Variants in ATL2 observed in about 807,000 individuals in gnomAD.
ATL2 encodes the protein atlastin-2.
Under a neutral mutation model 73.9 loss-of-function variants are expected in ATL2, and 31 were observed. That is an observed-to-expected ratio of 0.42 (90% CI 0.32 to 0.57). The LOEUF (loss-of-function observed/expected upper bound fraction) is 0.57. Ranked by LOEUF, ATL2 falls within the 20% of genes least tolerant of loss-of-function variation. The probability of loss-of-function intolerance (pLI) is 0.14; values close to 1 mark genes in which losing one functional copy is unlikely to be tolerated. For synonymous variants in ATL2, 291 were observed against 237.5 expected, an observed-to-expected ratio of 1.23 and a Z score of -2.07; for missense variants, 738 against 702.6, an observed-to-expected ratio of 1.05 and a Z score of -0.57.
chr2:38,377,353 C>G (rs1672050754), upstream of ATL2: 8 of 1,110,348 alleles, frequency 7.2e-6, no homozygotes, highest in Non-Finnish European at 6.3e-6. Flanking sequence ...CCGGCGGGTC[C>G]TAGCGCCGCT....
chr2:38,310,571 T>A, intron 7 of ATL2, 124 bp from the exon 8 acceptor site: 1 of 687,806 alleles, frequency 1.5e-6, no homozygotes, highest in Non-Finnish European at 2.2e-6. Context: ...TAAGGAGTCT[T>A]TTTTGACAAT....
chr2:38,299,321 C>A lies in ATL2; in HGVS notation c.1135G>T (p.Ala379Ser). ...PHPKSMLQAT[A>S]EANNLAAVAG... ...ACTGCAGCAAGATTATTAGCTTCAG[C>A]TGTTGCCTAAAAAATAAAATATGCC... Residue 379 changes from alanine to serine, a missense_variant, in exon 11 of 13, where the codon GCT (alanine) becomes TCT (serine). Transcript: ENST00000378954. 1 of 1,513,636 alleles carries A rather than the reference C, an allele frequency of 6.6e-7. No individual in the cohort carries two copies. The highest frequency in any genetic ancestry group is 8.7e-7 in the Non-Finnish European group (1 of 1,144,102). The allele number at this position is 1,513,636 out of a possible 1,614,324, so 93.8% of individuals were successfully genotyped here.
chr2:38,339,926 G>A (rs1390103001), intron 2 of ATL2, among the ~76,000 whole-genome samples: 1 of 152,052 alleles, frequency 6.6e-6, no homozygotes, highest in Non-Finnish European at 1.5e-5. Flanking sequence ...CCTGACCTCA[G>A]GTGATCTACC....
At chr2:38,352,295 G>A (rs1157334316) in intron 1 of ATL2, among the ~76,000 whole-genome samples, 1 of 152,106 alleles carries the variant, frequency 6.6e-6, no homozygotes, top group African/African-American at 2.4e-5. Flanking sequence ...TAGAGTAACT[G>A]GTATCAGACT....
At chr2:38,357,270 G>A (rs897112230) in intron 1 of ATL2, among the ~76,000 whole-genome samples, 1 of 152,102 alleles carries the variant, frequency 6.6e-6, no homozygotes, top group Non-Finnish European at 1.5e-5. Flanking sequence ...AGAGGTTGCA[G>A]AGAGCCAAGA....
intron 1 of ATL2, among the ~76,000 whole-genome samples, chr2:38,354,877 C>T (rs36049714): frequency 6.6e-6 from 1 of 151,484 alleles, no homozygotes; most frequent in South Asian, 2.1e-4. Flanking sequence ...GTAAGAAGAG[C>T]GAAACTCTTT....
chr2:38,324,272 C>T (rs1668481743), intron 2 of ATL2, among the ~76,000 whole-genome samples: 1 of 152,128 alleles, frequency 6.6e-6, no homozygotes, highest in South Asian at 2.1e-4. Context: ...AAGCGAAACT[C>T]AGTCTCAAAA....
intron 12 of ATL2, among the ~76,000 whole-genome samples, chr2:38,297,128 G>C (rs1164855499): frequency 6.6e-6 from 1 of 152,074 alleles, no homozygotes; most frequent in African/African-American, 2.4e-5. Context: ...TTTCTCTAAA[G>C]AGTAAACACA....
At chr2:38,324,167 A>G (rs1372906475) in intron 2 of ATL2, among the ~76,000 whole-genome samples, 3 of 152,156 alleles carry the variant, frequency 2.0e-5, no homozygotes, top group Non-Finnish European at 2.9e-5. Flanking sequence ...AATCTCAGCT[A>G]CTCGGGAGGC....
rs149916105 is a variant in ATL2, at chr2:38,360,172, T to C, written c.119-16660A>G. ...AAAGAATACTAAAGTAAATTTAAAT[T>C]TGGTATTTTAAATGACGTTAAAATT... On this transcript the variant is annotated intron_variant, in intron 1 of 12. Transcript: ENST00000378954. Among the ~76,000 whole-genome samples, 250 of 150,618 alleles carry C rather than the reference T, an allele frequency of 1.7e-3. 2 individuals carry two copies. Among genetic ancestry groups the C allele is most frequent in the African/African-American group, 5.6e-3 (231 of 41,214 alleles).
intron 9 of ATL2, chr2:38,300,549 TAA>T (rs1667132692): frequency 2.6e-6 from 1 of 380,586 alleles, no homozygotes; most frequent in Non-Finnish European, 4.7e-6. Flanking sequence ...AAATATAACA[TAA>T]AAGTTATAAC....
intron 1 of ATL2, chr2:38,359,557 A>C (rs1209367555): frequency 6.6e-6 from 1 of 152,116 alleles, no homozygotes. Context: ...TCAGGAAACA[A>C]AGAGTTGTTT....
At chr2:38,368,662 C>A (rs1671492072) in intron 1 of ATL2, among the ~76,000 whole-genome samples, 1 of 152,148 alleles carries the variant, frequency 6.6e-6, no homozygotes, top group South Asian at 2.1e-4. Flanking sequence ...GAAACCAACA[C>A]ACACAATTCT....
chr2:38,305,299 C>G (rs1475308228), intron 9 of ATL2, among the ~76,000 whole-genome samples: 2 of 152,272 alleles, frequency 1.3e-5, no homozygotes, highest in East Asian at 3.9e-4. Context: ...GAGGCCAAGG[C>G]AGGTGGACCA....
At chr2:38,355,465 A>C (rs1038383893) in intron 1 of ATL2, among the ~76,000 whole-genome samples, 7 of 152,252 alleles carry the variant, frequency 4.6e-5, no homozygotes, top group African/African-American at 1.7e-4. Context: ...AGCTTGGTTC[A>C]AGTAAAGTTT....
intron 9 of ATL2, among the ~76,000 whole-genome samples, chr2:38,300,975 C>CTTTTTTTTTT (rs111531452): frequency 2.8e-5 from 4 of 141,314 alleles, no homozygotes; most frequent in African/African-American, 8.0e-5. Context: ...TCTCAACTTT[C>CTTTTTTTTTT]TTTTTTTTTT....
In ATL2 at chr2:38,313,142, G is replaced by C. The variant is rs1396852566; in HGVS notation, c.804+9C>G. On this transcript the variant is annotated intron_variant, in intron 7 of 12. Transcript: ENST00000378954. Reference sequence around the variant, plus strand: ...CTTATGTTCTCCTCTTTAAGCATTAGGGTCTTACCTGTAATCTCTTTTCAA... The same window carrying C: ...CTTATGTTCTCCTCTTTAAGCATTACGGTCTTACCTGTAATCTCTTTTCAA... 6.3e-7 allele frequency: 1 copy of C among 1,599,844 alleles called. No homozygotes were observed. The highest frequency in any genetic ancestry group is 8.6e-7 in the Non-Finnish European group (1 of 1,168,784).
chr2:38,311,571 A>C (rs2148422992), intron 7 of ATL2, among the ~76,000 whole-genome samples: 1 of 152,300 alleles, frequency 6.6e-6, no homozygotes, highest in Middle Eastern at 3.4e-3. Context: ...AACCTCAGAA[A>C]CATAATATTG....
At chr2:38,302,718 G>C (rs1667252302) in intron 9 of ATL2, among the ~76,000 whole-genome samples, 1 of 151,920 alleles carries the variant, frequency 6.6e-6, no homozygotes, top group Non-Finnish European at 1.5e-5. Context: ...GAGCACCAAG[G>C]CAGTACCTCT....
Sources: gnomAD v4.1 joint callset for allele counts (sites outside exome capture counted in the v4.1 genomes callset) on GRCh38, gnomAD v4.1.1 for gene constraint, MANE v1.5 for transcripts, NCBI Gene and HGNC (gene_info 2026-07-23, HGNC 2026-07-21) for gene names.